IFT25: variants seen among roughly 807,000 people sequenced by gnomAD.
IFT25 encodes the protein intraflagellar transport 25, also known as intraflagellar transport protein 25 homolog.
the IFT25 span, chr1:53,928,659 A>G: frequency 4.2e-6 from 2 of 473,150 alleles, no homozygotes; most frequent in Non-Finnish European, 3.8e-6. Context: ...ACCATACAAC[A>G]CAGAGCAAGT....
the IFT25 span, among the ~76,000 whole-genome samples, chr1:53,934,115 T>G: frequency 6.6e-6 from 1 of 152,198 alleles, no homozygotes; most frequent in African/African-American, 2.4e-5. Flanking sequence ...ACACTTAATT[T>G]CTTCTTATAG....
the IFT25 span, among the ~76,000 whole-genome samples, chr1:53,945,027 G>A: frequency 2.6e-5 from 4 of 152,092 alleles, no homozygotes; most frequent in Non-Finnish European, 5.9e-5. Flanking sequence ...AGAAAACACG[G>A]ACCCGGCCTA....
At chr1:53,919,871 C>T in the IFT25 span, among the ~76,000 whole-genome samples, 2 of 151,926 alleles carry the variant, frequency 1.3e-5, no homozygotes, top group East Asian at 3.9e-4. Context: ...CTCACTGAAG[C>T]CACGATCTTC....
chr1:53,916,915 G>A, the IFT25 span: 1 of 378,832 alleles, frequency 2.6e-6, no homozygotes, highest in Non-Finnish European at 4.7e-6. Flanking sequence ...GCTGAGGTGG[G>A]CAGATCACCT....
At chr1:53,919,121 G>A in the IFT25 span, among the ~76,000 whole-genome samples, 20 of 147,898 alleles carry the variant, frequency 1.4e-4, no homozygotes, top group Non-Finnish European at 1.2e-4. Context: ...TTACAGTCAT[G>A]GGCCACCGTG....
chr1:53,925,227 G>A, the IFT25 span, among the ~76,000 whole-genome samples: 1 of 151,812 alleles, frequency 6.6e-6, no homozygotes, highest in African/African-American at 2.4e-5. Flanking sequence ...CCTACTTGAT[G>A]GTTACATTAC....
the IFT25 span, among the ~76,000 whole-genome samples, chr1:53,934,755 C>T: frequency 3.9e-5 from 6 of 152,252 alleles, no homozygotes; most frequent in African/African-American, 1.2e-4. Context: ...TCCAAGCACT[C>T]TGGGAGGCCA....
the IFT25 span, among the ~76,000 whole-genome samples, chr1:53,916,157 C>T: frequency 1.9e-4 from 27 of 145,326 alleles, no homozygotes; most frequent in Admixed American, 3.4e-4. Context: ...TGCGCTCCAG[C>T]CTGGGCAACA....
the IFT25 span, among the ~76,000 whole-genome samples, chr1:53,913,879 G>A: frequency 7.2e-5 from 11 of 152,126 alleles, no homozygotes; most frequent in Admixed American, 5.9e-4. Context: ...TACCTACAAC[G>A]CAGGAAGAAA....
At chr1:53,922,141 T>C in the IFT25 span, among the ~76,000 whole-genome samples, 1 of 152,276 alleles carries the variant, frequency 6.6e-6, no homozygotes, top group East Asian at 1.9e-4. Flanking sequence ...ACACCTGTAA[T>C]CCCAGCACTT....
At chr1:53,932,155 A>G in the IFT25 span, among the ~76,000 whole-genome samples, 2 of 152,192 alleles carry the variant, frequency 1.3e-5, no homozygotes, top group African/African-American at 4.8e-5. Flanking sequence ...GTTCAAGACC[A>G]GCCCGACCAA....
At chr1:53,923,191 G>C in the IFT25 span, among the ~76,000 whole-genome samples, 4 of 152,194 alleles carry the variant, frequency 2.6e-5, no homozygotes, top group African/African-American at 9.7e-5. Context: ...TTGAAACACT[G>C]ATTTAATAGC....
chr1:53,913,964 G>A, the IFT25 span, among the ~76,000 whole-genome samples: 2 of 152,336 alleles, frequency 1.3e-5, no homozygotes, highest in East Asian at 3.8e-4. Context: ...ATAAATGTCT[G>A]TTGTTTCAGC....
the IFT25 span, among the ~76,000 whole-genome samples, chr1:53,918,215 C>T: frequency 1.3e-5 from 2 of 152,154 alleles, no homozygotes; most frequent in African/African-American, 4.8e-5. Flanking sequence ...TAAATAAAAA[C>T]TTAAACAAAT....
chr1:53,928,497 A>G, the IFT25 span: 4 of 1,339,494 alleles, frequency 3.0e-6, no homozygotes, highest in South Asian at 1.2e-5. Flanking sequence ...TTTTGTCCCT[A>G]TATTTCTTTT....
the IFT25 span, chr1:53,921,776 GA>G: frequency 9.0e-6 from 14 of 1,551,978 alleles, no homozygotes; most frequent in Admixed American, 1.7e-5. Flanking sequence ...GCCTGTATGG[GA>G]AAAAAATCAA....
the IFT25 span, among the ~76,000 whole-genome samples, chr1:53,944,763 A>AT: frequency 3.3e-5 from 5 of 151,988 alleles, no homozygotes; most frequent in African/African-American, 1.2e-4. Flanking sequence ...TATCCTTTCC[A>AT]TTTTTTACAA....
chr1:53,945,057 G>T, the IFT25 span, among the ~76,000 whole-genome samples: 7 of 152,200 alleles, frequency 4.6e-5, no homozygotes, highest in African/African-American at 1.7e-4. Context: ...TCTCCGAGGG[G>T]CCAGGGCCAC....
the IFT25 span, among the ~76,000 whole-genome samples, chr1:53,941,938 T>C: frequency 3.4e-3 from 514 of 152,332 alleles, 4 homozygotes; most frequent in African/African-American, 0.012. Flanking sequence ...AATTGGGTGA[T>C]AGCTAGTACT....
Sources: gnomAD v4.1 joint callset for allele counts (sites outside exome capture counted in the v4.1 genomes callset) on GRCh38, gnomAD v4.1.1 for gene constraint, MANE v1.5 for transcripts, NCBI Gene and HGNC (gene_info 2026-07-23, HGNC 2026-07-21) for gene names.